Variants in KLHL5 observed in about 807,000 individuals in gnomAD.
KLHL5 encodes kelch-like protein 5.
KLHL5 carries 48 observed loss-of-function variants against 77.7 expected under a neutral mutation model. The ratio of observed to expected loss-of-function variants is 0.62; its 90% CI spans 0.49 to 0.79. The LOEUF is 0.79. Among genes scored for constraint, KLHL5 ranks in the 30% least tolerant of loss-of-function variants. KLHL5 has a pLI of 0.00. For missense variants in KLHL5, 723 were observed against 859.7 expected (o/e 0.84, Z 1.99); for synonymous variants, 260 against 297.0 (o/e 0.88, Z 1.28).
intron 8 of KLHL5, among the ~76,000 whole-genome samples, chr4:39,112,400 T>G (rs952161217): frequency 9.2e-5 from 14 of 152,230 alleles, no homozygotes; most frequent in Non-Finnish European, 1.9e-4. Flanking sequence ...CTATTACAAG[T>G]ACATTCTACA....
chr4:39,063,704 G>A, intron 1 of KLHL5: 1 of 308,766 alleles, frequency 3.2e-6, no homozygotes, highest in South Asian at 2.9e-5. Context: ...GAGAGTTTAA[G>A]GGAATGTAGA....
At chr4:39,117,191 C>T (rs1426361165) in intron 10 of KLHL5, among the ~76,000 whole-genome samples, 4 of 152,062 alleles carry the variant, frequency 2.6e-5, no homozygotes, top group Non-Finnish European at 5.9e-5. Flanking sequence ...GTCCTATCTA[C>T]TTGGGAGGCT....
At position 39,081,164 on chromosome 4, in the gene KLHL5, G is replaced by T. The variant is rs1210531075; in HGVS notation, c.628G>T (p.Ala210Ser). The T allele has an allele frequency of 1.9e-6, 3 of 1,612,490 alleles. No individual in the cohort carries two copies. Among genetic ancestry groups the T allele is most frequent in the South Asian group, 2.2e-5 (2 of 90,880 alleles). ...CATGTTTACTAATGATGTCAGAGAG[G>T]CAAGACAAGAAGAAATAAAAATGGA... ...AAMFTNDVREARQEEIKMEGV... is the reference protein window; with the variant it reads ...AAMFTNDVRESRQEEIKMEGV... Residue 210 changes from alanine to serine, a missense_variant, in exon 3 of 11, where the codon GCA becomes TCA. By Grantham distance (99) the Ala-to-Ser change is moderately conservative. Coordinates refer to ENST00000504108, the MANE Select transcript of KLHL5 (RefSeq NM_015990.5). The surrounding 1 kb of genome is among the most constrained non-coding windows in gnomAD (Gnocchi z 4.3).
rs921550994 is a variant in KLHL5, at chr4:39,125,173, T to A, written c.*4107T>A. On this transcript the variant is annotated 3_prime_UTR_variant, in exon 11 of 11. Coordinates refer to ENST00000504108, the MANE Select transcript of KLHL5 (RefSeq NM_015990.5). Reference sequence around the variant, plus strand: ...GGATCTAAACCTACAGGAAAAAAAATGAATAATAGAGAAAATAAATGTTAG... The same window carrying A: ...GGATCTAAACCTACAGGAAAAAAAAAGAATAATAGAGAAAATAAATGTTAG... Among the ~76,000 whole-genome samples, 3 of 143,948 alleles carry A rather than the reference T, an allele frequency of 2.1e-5. No individual in the cohort carries two copies. Among genetic ancestry groups the A allele is most frequent in the Admixed American group, 1.4e-4 (2 of 14,222 alleles). The allele number at this position is 143,948 out of a possible 152,430, so 94.4% of individuals were successfully genotyped here.
At chr4:39,069,463 TATATATATATACACACAC>T (rs1282785426) in intron 1 of KLHL5, among the ~76,000 whole-genome samples, 1 of 56,350 alleles carries the variant, frequency 1.8e-5, no homozygotes, top group Non-Finnish European at 3.8e-5. Flanking sequence ...TATATATATA[TATATATATATACACACAC>T]ACACACACAC....
At chr4:39,051,710 AAAACAAAC>A (rs78494320) in intron 1 of KLHL5, among the ~76,000 whole-genome samples, 100 of 116,992 alleles carry the variant, frequency 8.5e-4, no homozygotes, top group African/African-American at 1.9e-3. Context: ...AAAAAAAGAA[AAAACAAAC>A]AAACAAACAA....
At chr4:39,048,834 G>C (rs1241864740) in intron 1 of KLHL5, among the ~76,000 whole-genome samples, 1 of 151,728 alleles carries the variant, frequency 6.6e-6, no homozygotes, top group Non-Finnish European at 1.5e-5. Flanking sequence ...AGTAGAGACG[G>C]GGTTTCATCA....
intron 1 of KLHL5, among the ~76,000 whole-genome samples, chr4:39,073,575 T>C (rs1483433125): frequency 6.6e-6 from 1 of 152,090 alleles, no homozygotes; most frequent in Admixed American, 6.6e-5. Flanking sequence ...CTTATAATCA[T>C]TTGTCAATAT....
rs767663464 is a variant in KLHL5, at chr4:39,047,944, G to A, written c.-95+2848G>A. On this transcript the variant is annotated intron_variant, in intron 1 of 11. Coordinates refer to the KLHL5 transcript ENST00000261425. ...GTATGTGCAGGGTTGTTTCCAGCCGGTTGATGAACCTCCCTGAATCTATTT... is the reference window on the plus strand; with the variant it reads ...GTATGTGCAGGGTTGTTTCCAGCCGATTGATGAACCTCCCTGAATCTATTT... Among the ~76,000 whole-genome samples the A allele has an allele frequency of 2.0e-5, 3 of 152,316 alleles. No individual in the cohort carries two copies. In the East Asian group the frequency reaches 5.8e-4, roughly 29 times the overall value.
downstream of KLHL5, among the ~76,000 whole-genome samples, chr4:39,130,592 T>C (rs1313113902): frequency 1.3e-5 from 2 of 152,060 alleles, no homozygotes; most frequent in African/African-American, 4.8e-5. Flanking sequence ...TGCACTTCAC[T>C]CCAGGTGTGA....
chr4:39,074,926 C>G (rs1718864870), intron 1 of KLHL5, among the ~76,000 whole-genome samples: 1 of 152,022 alleles, frequency 6.6e-6, no homozygotes, highest in African/African-American at 2.4e-5. Flanking sequence ...TTAAGTGATC[C>G]TGGAGAGGAG....
rs1723260277 is a variant in KLHL5 at position 39,122,454 on chromosome 4, C to G, written c.*1388C>G. On this transcript the variant is annotated 3_prime_UTR_variant, in exon 11 of 11. Transcript: ENST00000504108. ...GTAAGTGGCAGAGCAGGGATTCATA[C>G]AAAGACCTTCTCACTCAGCAGTCTT... 6.6e-6 allele frequency among the ~76,000 whole-genome samples: 1 copy of G among 152,092 alleles called. No individual in the cohort carries two copies. Among genetic ancestry groups the G allele is most frequent in the African/African-American group, 2.4e-5 (1 of 41,422 alleles).
chr4:39,045,647 A>G (rs1425840841), intron 1 of KLHL5, among the ~76,000 whole-genome samples: 1 of 152,056 alleles, frequency 6.6e-6, no homozygotes, highest in Non-Finnish European at 1.5e-5. Flanking sequence ...GCATTTAGGC[A>G]TTTATTTCAG....
chr4:39,101,863 T>C (rs1362459261), intron 6 of KLHL5, among the ~76,000 whole-genome samples: 14 of 129,812 alleles, frequency 1.1e-4, no homozygotes, highest in African/African-American at 4.1e-4. Flanking sequence ...AAAAAAAATA[T>C]ATATATATAT....
At chr4:39,105,150 A>ATTTT (rs5857651) in intron 7 of KLHL5, among the ~76,000 whole-genome samples, 2 of 147,128 alleles carry the variant, frequency 1.4e-5, no homozygotes, top group Admixed American at 6.8e-5. Flanking sequence ...GTTCTGCTAA[A>ATTTT]TTTTTTTTTT....
chr4:39,103,572 T>A, intron 7 of KLHL5, 61 bp downstream of exon 7: 1 of 1,388,044 alleles, frequency 7.2e-7, no homozygotes, highest in Non-Finnish European at 1.0e-6. Context: ...ACATTTACAT[T>A]CTGAACCAGG....
the KLHL5 span, among the ~76,000 whole-genome samples, chr4:39,132,481 C>G: frequency 2.0e-5 from 3 of 151,982 alleles, no homozygotes; most frequent in Admixed American, 6.6e-5. Context: ...CCATGGTGCG[C>G]ACCTGTAGTC....
rs746706067 is a variant in KLHL5, at chr4:39,125,784, A to C, written c.*4718A>C. On this transcript the variant is annotated 3_prime_UTR_variant, in exon 11 of 11. Coordinates refer to ENST00000504108, the MANE Select transcript of KLHL5 (RefSeq NM_015990.5). ...TACTTATTGGGGATGATTGCACAACATGGTGAAGGTACTCAATGTCACTAA... is the reference window on the plus strand; with the variant it reads ...TACTTATTGGGGATGATTGCACAACCTGGTGAAGGTACTCAATGTCACTAA... Among the ~76,000 whole-genome samples the C allele has an allele frequency of 6.6e-6, 1 of 152,204 alleles. No homozygotes were observed. Among genetic ancestry groups the C allele is most frequent in the Non-Finnish European group, 1.5e-5 (1 of 68,038 alleles).
intron 1 of KLHL5, among the ~76,000 whole-genome samples, chr4:39,050,131 C>T (rs975836915): frequency 6.6e-6 from 1 of 151,922 alleles, no homozygotes; most frequent in Non-Finnish European, 1.5e-5. Context: ...AATAGCTATA[C>T]TTGAGTTTTC....
Sources: gnomAD v4.1 joint callset for allele counts (sites outside exome capture counted in the v4.1 genomes callset) on GRCh38, gnomAD v4.1.1 for gene constraint, Gnocchi (gnomAD v3.1) non-coding constraint, MANE v1.5 for transcripts, NCBI Gene and HGNC (gene_info 2026-07-23, HGNC 2026-07-21) for gene names.